Variants in GLYATL1 observed in about 807,000 individuals in gnomAD.
GLYATL1 encodes glycine-N-acyltransferase like 1.
GLYATL1 carries 15 observed loss-of-function variants against 20.0 expected under a neutral mutation model. The ratio of observed to expected loss-of-function variants is 0.75; its 90% CI spans 0.50 to 1.15. GLYATL1 has a LOEUF of 1.15. Among genes scored for constraint, GLYATL1 ranks in the 50% most tolerant of loss-of-function variants. GLYATL1 has a pLI of 0.00. For synonymous variants in GLYATL1, 151 were observed against 131.5 expected (o/e 1.15, Z -1.01); for missense variants, 380 against 368.5 (o/e 1.03, Z -0.26).
chr11:58,943,166 C>A, intron 1 of GLYATL1: 1 of 1,179,628 alleles, frequency 8.5e-7, no homozygotes, highest in African/African-American at 1.6e-5. Context: ...CATTTGAGTC[C>A]TTGTGGGTAA....
downstream of GLYATL1, among the ~76,000 whole-genome samples, chr11:58,910,686 A>C (rs1185053709): frequency 6.6e-6 from 1 of 152,226 alleles, no homozygotes. Flanking sequence ...GCAAGGGAAT[A>C]AAAATTTAGA....
chr11:58,915,174 T>A (rs1855141918), intron 1 of GLYATL1, among the ~76,000 whole-genome samples: 2 of 152,168 alleles, frequency 1.3e-5, no homozygotes, highest in South Asian at 2.1e-4. Flanking sequence ...CATAACAATA[T>A]CTCCAAATAT....
intron 1 of GLYATL1, among the ~76,000 whole-genome samples, chr11:58,914,037 T>G (rs538186008): frequency 1.3e-5 from 2 of 152,278 alleles, no homozygotes; most frequent in Admixed American, 1.3e-4. Flanking sequence ...CTCTTTATGC[T>G]ATTCTTCTTT....
chr11:58,953,390 G>GTTT (rs377318573), intron 4 of GLYATL1, among the ~76,000 whole-genome samples: 45 of 110,958 alleles, frequency 4.1e-4, no homozygotes, highest in African/African-American at 1.3e-3. Context: ...CTTACAGTCT[G>GTTT]TTTTTTTTTT....
At chr11:58,943,886 G>A (rs751081747) in intron 2 of GLYATL1, among the ~76,000 whole-genome samples, 2 of 152,090 alleles carry the variant, frequency 1.3e-5, no homozygotes, top group African/African-American at 4.8e-5. Flanking sequence ...CAGTAATGTT[G>A]CAGGAGTTAT....
chr11:58,922,185 G>C (rs1339662174), intron 1 of GLYATL1, among the ~76,000 whole-genome samples: 2 of 152,196 alleles, frequency 1.3e-5, no homozygotes, highest in East Asian at 3.9e-4. Context: ...ATTGGCTTCT[G>C]GCCAATGGAG....
upstream of GLYATL1, among the ~76,000 whole-genome samples, chr11:58,922,762 C>A (rs1373855909): frequency 6.6e-6 from 1 of 152,170 alleles, no homozygotes; most frequent in Admixed American, 6.5e-5. Flanking sequence ...AAGCATTTTA[C>A]AGTATGCTGC....
chr11:58,954,223 C>T (rs1251167463), intron 4 of GLYATL1, among the ~76,000 whole-genome samples: 1 of 152,192 alleles, frequency 6.6e-6, no homozygotes. Flanking sequence ...AGAGAAATCA[C>T]AGTTAAATTT....
intron 1 of GLYATL1, among the ~76,000 whole-genome samples, chr11:58,919,317 T>A (rs78644009): frequency 0.041 from 6,259 of 152,262 alleles, 405 homozygotes; most frequent in African/African-American, 0.14. Flanking sequence ...CACACCTGAC[T>A]TGGAGGAGGA....
intron 1 of GLYATL1, among the ~76,000 whole-genome samples, chr11:58,906,565 G>A (rs1366793466): frequency 1.3e-5 from 2 of 152,178 alleles, no homozygotes; most frequent in Non-Finnish European, 2.9e-5. Context: ...GGCTTTCCAG[G>A]AAGACCTGAA....
intron 1 of GLYATL1, among the ~76,000 whole-genome samples, chr11:58,906,487 G>T (rs978301166): frequency 6.6e-6 from 1 of 152,062 alleles, no homozygotes; most frequent in Admixed American, 6.5e-5. Context: ...GTAGTGAGGG[G>T]GTGCTTTTTA....
At chr11:58,923,494 T>A (rs926512790), upstream of GLYATL1, among the ~76,000 whole-genome samples, 1 of 152,224 alleles carries the variant, frequency 6.6e-6, no homozygotes, top group African/African-American at 2.4e-5. Context: ...CTTTCCCTTT[T>A]TCATCTGCAA....
In GLYATL1 at chr11:58,956,200, C is replaced by T. The variant is rs1286927522; in HGVS notation, c.*173C>T. The T allele has an allele frequency of 1.6e-6, 1 of 639,118 alleles. No homozygotes were observed. The highest frequency in any genetic ancestry group is 2.7e-6 in the Non-Finnish European group (1 of 374,020). The allele number at this position is 639,118 out of a possible 1,614,324, so 39.6% of individuals were successfully genotyped here. ...CACAGCCATGCTCTTGAGGAGCTTACAATCCTGGCTGGAGGCAGGGGAGGG... is the reference window on the plus strand; with the variant it reads ...CACAGCCATGCTCTTGAGGAGCTTATAATCCTGGCTGGAGGCAGGGGAGGG... On this transcript the variant is annotated 3_prime_UTR_variant, in exon 7 of 7. Coordinates refer to ENST00000532726, the MANE Select transcript of GLYATL1 (RefSeq NM_001389712.2).
In GLYATL1 at chr11:58,955,726, A is replaced by G. The variant is rs1207395421; in HGVS notation, c.608A>G (p.Glu203Gly). The G allele has an allele frequency of 1.2e-6, 2 of 1,614,224 alleles. No individual in the cohort carries two copies. The highest frequency in any genetic ancestry group is 2.2e-5 in the East Asian group (1 of 44,892). Residue 203 changes from glutamate to glycine, a missense_variant, in exon 7 of 7, where the codon GAA becomes GGA. Coordinates refer to ENST00000532726, the MANE Select transcript of GLYATL1 (RefSeq NM_001389712.2). ...RSLHYIKRCI[E>G]DLPAACMLGP... ...CTGCATTACATCAAGCGCTGCATAG[A>G]AGACCTGCCAGCAGCCTGTATGCTC... is the stretch of plus-strand genomic sequence containing the variant.
chr11:58,908,927 A>C (rs1053809247), downstream of GLYATL1, among the ~76,000 whole-genome samples: 2 of 152,186 alleles, frequency 1.3e-5, no homozygotes, highest in Non-Finnish European at 2.9e-5. Flanking sequence ...TAATATTATC[A>C]TCCTTATTTT....
Position 58,947,139 on chromosome 11 carries a change from G to C in GLYATL1, c.52G>C (p.Ala18Pro), listed in dbSNP as rs1003262193. Residue 18 changes from alanine (A) to proline (P), a missense_variant, in exon 3 of 7, where the codon GCC becomes CCC. Coordinates refer to ENST00000532726, the MANE Select transcript of GLYATL1 (RefSeq NM_001389712.2). ...GCTGCTGGCCCTATACAAATCCTTG[G>C]CCAGGAGCATCCCTGAGTCCCTGAA... is the stretch of plus-strand genomic sequence containing the variant. ...HKLLALYKSL[A>P]RSIPESLKVY... 1.2e-6 allele frequency: 2 copies of C among 1,613,824 alleles called. No individual in the cohort carries two copies. The highest frequency in any genetic ancestry group is 2.7e-5 in the African/African-American group (2 of 74,892).
intron 1 of GLYATL1, among the ~76,000 whole-genome samples, chr11:58,918,827 G>T (rs760685779): frequency 1.3e-5 from 2 of 152,192 alleles, no homozygotes; most frequent in Non-Finnish European, 2.9e-5. Flanking sequence ...GTGTGGAATG[G>T]TTAGCTTCTG....
chr11:58,915,214 G>C (rs567885642), intron 1 of GLYATL1, among the ~76,000 whole-genome samples: 26 of 152,258 alleles, frequency 1.7e-4, no homozygotes, highest in African/African-American at 6.3e-4. Context: ...ACTCTTAGAA[G>C]GCATACAGTA....
In GLYATL1 at chr11:58,947,839, C is replaced by T; in HGVS notation, c.79-19C>T. 6.5e-7 allele frequency: 1 copy of T among 1,527,552 alleles called. No individual in the cohort carries two copies. Among genetic ancestry groups the T allele is most frequent in the Non-Finnish European group, 9.1e-7 (1 of 1,101,154 alleles). 94.6% of individuals were successfully genotyped at this position (1,527,552 alleles called of 1,614,324 possible). On this transcript the variant is annotated intron_variant, in intron 3 of 6. Transcript: ENST00000532726. ...CTGGGGATCTCAACCTCTCCTGGTC[C>T]CTTTCATCCCTCCTTCAGGTGTATG...
Sources: gnomAD v4.1 joint callset for allele counts (sites outside exome capture counted in the v4.1 genomes callset) on GRCh38, gnomAD v4.1.1 for gene constraint, MANE v1.5 for transcripts, NCBI Gene and HGNC (gene_info 2026-07-23, HGNC 2026-07-21) for gene names.